The following TCF20 variants were observed in gnomAD, a reference collection of about 807,000 sequenced individuals.
TCF20 encodes the protein transcription factor 20.
Under a neutral mutation model 148.6 loss-of-function variants are expected in TCF20, and 3 were observed. The ratio of observed to expected loss-of-function variants is 0.02; its 90% CI spans 0.01 to 0.05. TCF20 has a LOEUF of 0.05. Ranked by LOEUF, TCF20 falls within the 10% of genes least tolerant of loss-of-function variation. TCF20 has a pLI of 1.00. For missense variants in TCF20, 2,350 were observed against 2,429.3 expected (o/e 0.97, Z 0.69); for synonymous variants, 1,049 against 909.5 (o/e 1.15, Z -2.76).
chr22:42,165,021 A>C (rs1935695509), intron 5 of TCF20, among the ~76,000 whole-genome samples: 1 of 152,152 alleles, frequency 6.6e-6, no homozygotes, highest in African/African-American at 2.4e-5. Flanking sequence ...AAGGGACAGG[A>C]CTGGAGGGAG....
intron 1 of TCF20, among the ~76,000 whole-genome samples, chr22:42,318,300 A>G (rs1927670059): frequency 1.3e-5 from 2 of 152,152 alleles, no homozygotes; most frequent in African/African-American, 4.8e-5. Context: ...TTAGGAGTTC[A>G]ATATATAATT....
chr22:42,341,572 G>A (rs529590570), intron 1 of TCF20, among the ~76,000 whole-genome samples: 7 of 152,252 alleles, frequency 4.6e-5, no homozygotes, highest in African/African-American at 1.7e-4. Flanking sequence ...AGACCCCCAA[G>A]GAAGCAGGAG....
chr22:42,281,114 C>T (rs1926893214), intron 1 of TCF20, among the ~76,000 whole-genome samples: 1 of 152,190 alleles, frequency 6.6e-6, no homozygotes, highest in Non-Finnish European at 1.5e-5. Flanking sequence ...GAACCCTTCA[C>T]CCCTTGATCG....
At chr22:42,252,393 CAT>C (rs1391849191) in intron 1 of TCF20, among the ~76,000 whole-genome samples, 3 of 152,078 alleles carry the variant, frequency 2.0e-5, no homozygotes, top group Non-Finnish European at 2.9e-5. Flanking sequence ...CACCTACAAA[CAT>C]AAACTTCGGT....
At chr22:42,173,126 GAA>G (rs5845527) in intron 3 of TCF20, among the ~76,000 whole-genome samples, 119 of 136,934 alleles carry the variant, frequency 8.7e-4, no homozygotes, top group African/African-American at 2.7e-3. Context: ...GAGAGTAGAA[GAA>G]AAAAAAAAAA....
At chr22:42,171,084 T>C (rs9306356) in intron 3 of TCF20, among the ~76,000 whole-genome samples, 13,499 of 152,270 alleles carry the variant, frequency 0.089, 677 homozygotes, top group African/African-American at 0.12. Flanking sequence ...GACAGCATCC[T>C]GGATGGCAGC....
At chr22:42,315,533 C>T (rs1296164076) in intron 1 of TCF20, among the ~76,000 whole-genome samples, 1 of 152,248 alleles carries the variant, frequency 6.6e-6, no homozygotes, top group Non-Finnish European at 1.5e-5. Context: ...AACAAACTTT[C>T]ACTGGTTCTA....
Position 42,299,255 on chromosome 22 carries a change from C to T in TCF20, c.-37+44224G>A, listed in dbSNP as rs920962045. 5.9e-5 allele frequency among the ~76,000 whole-genome samples: 9 copies of T among 152,188 alleles called. No homozygotes were observed. The highest frequency in any genetic ancestry group is 1.9e-4 in the East Asian group (1 of 5,200). ...GCCCAGAGGACAATCACAGGGAGGA[C>T]GGCGGCAAGGAGGTGAGGCCATGTC... On this transcript the variant is annotated intron_variant, in intron 1 of 1. Transcript: ENST00000515426. The surrounding 1 kb of genome is among the most constrained non-coding windows in gnomAD (Gnocchi z 4.1).
At chr22:42,255,488 A>AAACAACAAC (rs71746301) in intron 1 of TCF20, among the ~76,000 whole-genome samples, 1 of 29,280 alleles carries the variant, frequency 3.4e-5, no homozygotes. Flanking sequence ...ACTTCATCTC[A>AAACAACAAC]AACAACAACA....
intron 1 of TCF20, among the ~76,000 whole-genome samples, chr22:42,340,957 G>A (rs1337171151): frequency 2.1e-5 from 3 of 141,770 alleles, no homozygotes; most frequent in Admixed American, 8.2e-5. Context: ...TGAAGGCCCT[G>A]CAGATGCCGC....
chr22:42,167,327 G>A (rs910098659), intron 5 of TCF20, among the ~76,000 whole-genome samples: 1 of 152,220 alleles, frequency 6.6e-6, no homozygotes, highest in African/African-American at 2.4e-5. Context: ...GTAACAAGGA[G>A]GAGGGCACGT....
At chr22:42,261,499 C>A (rs568085808) in intron 1 of TCF20, among the ~76,000 whole-genome samples, 3 of 152,328 alleles carry the variant, frequency 2.0e-5, no homozygotes, top group East Asian at 3.9e-4. Flanking sequence ...ATAACTCTTA[C>A]CTATGCCACA....
At chr22:42,262,290 G>A (rs969989323) in intron 1 of TCF20, among the ~76,000 whole-genome samples, 1 of 152,226 alleles carries the variant, frequency 6.6e-6, no homozygotes, top group Non-Finnish European at 1.5e-5. Context: ...GGTAAAGAGG[G>A]TAGTGGCAGT....
At chr22:42,260,320 G>A (rs1925962022) in intron 1 of TCF20, among the ~76,000 whole-genome samples, 2 of 152,116 alleles carry the variant, frequency 1.3e-5, no homozygotes, top group Admixed American at 1.3e-4. Flanking sequence ...TGACCCTGTT[G>A]GCCACCATAT....
Position 42,310,731 on chromosome 22 carries a change from C to T in TCF20, c.-37+32748G>A, listed in dbSNP as rs190217777. On this transcript the variant is annotated intron_variant, in intron 1 of 1. Coordinates refer to the TCF20 transcript ENST00000515426. The stretch of plus-strand genomic sequence containing the variant: ...AGCCCCCAGGCAATGGGTGGCCAGG[C>T]CAGGAGCCTGAGTCTGGAAAGTTGC... Among the ~76,000 whole-genome samples the T allele has an allele frequency of 8.5e-5, 13 of 152,286 alleles. No homozygotes were observed. The East Asian group carries it at 2.5e-3, about 29-fold the overall frequency.
intron 1 of TCF20, among the ~76,000 whole-genome samples, chr22:42,316,798 G>A (rs1484445295): frequency 2.0e-5 from 3 of 152,126 alleles, no homozygotes; most frequent in African/African-American, 7.2e-5. Flanking sequence ...AAGGGCCATC[G>A]ATAGCTCCCA....
intron 1 of TCF20, among the ~76,000 whole-genome samples, chr22:42,238,082 T>C (rs1411074614): frequency 6.6e-6 from 1 of 152,230 alleles, no homozygotes; most frequent in Non-Finnish European, 1.5e-5. Context: ...CTAGATGGCA[T>C]CTTTTCTGAC....
chr22:42,284,945 CTG>C (rs1487461806), upstream of TCF20, among the ~76,000 whole-genome samples: 1 of 152,264 alleles, frequency 6.6e-6, no homozygotes, highest in Non-Finnish European at 1.5e-5. Context: ...TGCCTGGACT[CTG>C]GGCCGTGGCC....
intron 2 of TCF20, among the ~76,000 whole-genome samples, chr22:42,205,555 A>C (rs1030852285): frequency 6.6e-6 from 1 of 152,252 alleles, no homozygotes; most frequent in Non-Finnish European, 1.5e-5. Flanking sequence ...AACTGAATGC[A>C]TCTATCTGCT....
Sources: gnomAD v4.1 joint callset for allele counts (sites outside exome capture counted in the v4.1 genomes callset) on GRCh38, gnomAD v4.1.1 for gene constraint, Gnocchi (gnomAD v3.1) non-coding constraint, MANE v1.5 for transcripts, NCBI Gene and HGNC (gene_info 2026-07-23, HGNC 2026-07-21) for gene names.